The following IL23R variants were observed in gnomAD, a reference collection of about 807,000 sequenced individuals.
The protein encoded by IL23R is interleukin-23 receptor.
IL23R carries 34 observed loss-of-function variants against 56.9 expected under a neutral mutation model. That is an observed-to-expected ratio of 0.60 (90% confidence interval 0.45 to 0.80). The LOEUF (loss-of-function observed/expected upper bound fraction) is 0.80. IL23R is among the 30% of genes least tolerant of loss of function. The pLI is 0.00. For synonymous variants in IL23R, 230 were observed against 249.2 expected (o/e 0.92, Z 0.73); for missense variants, 635 against 730.0 (o/e 0.87, Z 1.50).
intron 9 of IL23R, among the ~76,000 whole-genome samples, chr1:67,251,049 T>C (rs11488272): frequency 0.084 from 12,788 of 152,224 alleles, 647 homozygotes; most frequent in Non-Finnish European, 0.11. Context: ...GAAGTTATCT[T>C]AGGGCCTCTC....
intron 5 of IL23R, among the ~76,000 whole-genome samples, chr1:67,205,915 CTTTCT>C (rs1553291060): frequency 1.6e-5 from 2 of 123,240 alleles, no homozygotes; most frequent in African/African-American, 5.9e-5. Flanking sequence ...TTCTTTCTTT[CTTTCT>C]TTCTTTTTCT....
intron 1 of IL23R, among the ~76,000 whole-genome samples, chr1:67,160,801 C>A (rs560957456): frequency 6.6e-6 from 1 of 152,268 alleles, no homozygotes; most frequent in East Asian, 1.9e-4. Context: ...CCTGCCTCAG[C>A]CTCCTGAGAA....
chr1:67,240,462 C>T (rs1651775232), intron 9 of IL23R, among the ~76,000 whole-genome samples, 181 bp downstream of exon 9: 1 of 152,208 alleles, frequency 6.6e-6, no homozygotes, highest in African/African-American at 2.4e-5. Flanking sequence ...AAATGTCTTT[C>T]CTTTAATCCT....
At chr1:67,265,639 T>C in the IL23R span, among the ~76,000 whole-genome samples, 272 of 152,350 alleles carry the variant, frequency 1.8e-3, 1 homozygote, top group African/African-American at 6.1e-3. Context: ...ATAATTCCTC[T>C]TGTACATATG....
chr1:67,180,377 C>A (rs1647117714), intron 3 of IL23R, among the ~76,000 whole-genome samples: 1 of 152,028 alleles, frequency 6.6e-6, no homozygotes, highest in Admixed American at 6.6e-5. Flanking sequence ...TATGTAATGG[C>A]CTTTTTTGTC....
chr1:67,242,721 G>A (rs1651932218), intron 9 of IL23R, among the ~76,000 whole-genome samples: 1 of 152,178 alleles, frequency 6.6e-6, no homozygotes, highest in Non-Finnish European at 1.5e-5. Flanking sequence ...TTGGGTTCTA[G>A]ATTGTGAAGG....
rs1219195193 is a variant in IL23R, at chr1:67,169,279, T to C, written c.71-63T>C. Reference sequence around the variant, plus strand: ...GATAAATTTAAAATGCAATAGCATATTCTTCTGAATCTCTTGATTTAATGT... The same window carrying C: ...GATAAATTTAAAATGCAATAGCATACTCTTCTGAATCTCTTGATTTAATGT... On this transcript the variant is annotated intron_variant, in intron 2 of 10. Transcript: ENST00000347310. The C allele has an allele frequency of 1.4e-5, 18 of 1,269,978 alleles. 1 individual carries two copies. In the Admixed American group the frequency reaches 3.2e-4, roughly 23 times the overall value. 78.7% of individuals were successfully genotyped at this position (1,269,978 alleles called of 1,614,324 possible).
chr1:67,172,629 AATC>A (rs1251623864), intron 3 of IL23R, among the ~76,000 whole-genome samples: 3 of 152,186 alleles, frequency 2.0e-5, no homozygotes, highest in Admixed American at 6.6e-5. Flanking sequence ...GTTTCCACTT[AATC>A]ATTTGTTTAA....
intron 4 of IL23R, 94 bp downstream of exon 4, chr1:67,183,053 C>A: frequency 7.3e-7 from 1 of 1,363,710 alleles, no homozygotes; most frequent in Non-Finnish European, 1.0e-6. Flanking sequence ...CAGCCTCAAA[C>A]ATTAAATATA....
At chr1:67,238,090 G>A (rs1651600474) in intron 8 of IL23R, among the ~76,000 whole-genome samples, 3 of 152,090 alleles carry the variant, frequency 2.0e-5, no homozygotes, top group Admixed American at 6.5e-5. Context: ...CTCACATTTT[G>A]TAATCCCAGC....
intron 5 of IL23R, among the ~76,000 whole-genome samples, chr1:67,203,398 C>T (rs1279120101): frequency 6.6e-6 from 1 of 152,150 alleles, no homozygotes; most frequent in East Asian, 1.9e-4. Flanking sequence ...CCCATCTGGC[C>T]TCTACTTCCA....
Position 67,219,631 on chromosome 1 carries a change from C to A in IL23R, c.856C>A (p.Pro286Thr). The A allele has an allele frequency of 6.2e-7, 1 of 1,613,954 alleles. No homozygotes were observed. Among genetic ancestry groups the A allele is most frequent in the Non-Finnish European group, 8.5e-7 (1 of 1,179,864 alleles). ...YVQQSEFYLE[P>T]NIKYVFQVRC... ...GCAACAGTCAGAATTCTACTTGGAGCCAAACATTAAGTACGTATTTCAAGT... is the reference window on the plus strand; with the variant it reads ...GCAACAGTCAGAATTCTACTTGGAGACAAACATTAAGTACGTATTTCAAGT... Residue 286 changes from proline to threonine, a missense_variant, in exon 7 of 11, where the codon CCA becomes ACA. Coordinates refer to ENST00000347310, the MANE Select transcript of IL23R (RefSeq NM_144701.3).
intron 1 of IL23R, among the ~76,000 whole-genome samples, chr1:67,167,485 C>T (rs1646887392): frequency 6.6e-6 from 1 of 152,096 alleles, no homozygotes; most frequent in African/African-American, 2.4e-5. Flanking sequence ...TTGGCTCTTC[C>T]CAAGTTTAGC....
intron 7 of IL23R, among the ~76,000 whole-genome samples, chr1:67,228,104 TTCTC>T (rs751365071): frequency 1.1e-4 from 5 of 46,198 alleles, no homozygotes; most frequent in Non-Finnish European, 1.5e-4. Context: ...CTTTCTTTCT[TTCTC>T]TCTCTTTCTT....
At chr1:67,161,639 G>GT (rs917088256), upstream of IL23R, among the ~76,000 whole-genome samples, 3 of 150,820 alleles carry the variant, frequency 2.0e-5, no homozygotes, top group Non-Finnish European at 4.4e-5. Context: ...TTTTGTTTTT[G>GT]TTTTTTTGAG....
At chr1:67,185,043 ATGCCT>A (rs1256974825) in intron 4 of IL23R, among the ~76,000 whole-genome samples, 1 of 152,228 alleles carries the variant, frequency 6.6e-6, no homozygotes, top group African/African-American at 2.4e-5. Flanking sequence ...GAATCTGCTG[ATGCCT>A]TGATCTTGGA....
downstream of IL23R, among the ~76,000 whole-genome samples, chr1:67,263,129 T>TTC (rs1278366076): frequency 7.9e-6 from 1 of 127,292 alleles, no homozygotes; most frequent in Non-Finnish European, 1.7e-5. Flanking sequence ...TTTTTTTTTT[T>TTC]TTTAACAGGT....
At chr1:67,214,754 A>G (rs140214694) in intron 6 of IL23R, among the ~76,000 whole-genome samples, 24 of 152,316 alleles carry the variant, frequency 1.6e-4, no homozygotes, top group African/African-American at 5.5e-4. Context: ...GAGGGAAGAG[A>G]GAGACCCTCT....
intron 6 of IL23R, among the ~76,000 whole-genome samples, chr1:67,211,466 CA>C: frequency 6.6e-6 from 1 of 152,110 alleles, no homozygotes; most frequent in South Asian, 2.1e-4. Flanking sequence ...ACTGAAAATA[CA>C]AAAAATTTAG....
Sources: allele counts gnomAD v4.1 joint callset (sites outside exome capture counted in the v4.1 genomes callset), GRCh38; gene constraint gnomAD v4.1.1; transcripts MANE v1.5; gene names NCBI Gene and HGNC (gene_info 2026-07-23, HGNC 2026-07-21).